PPP1R21: variants seen among roughly 807,000 people sequenced by gnomAD.
PPP1R21 encodes protein phosphatase 1 regulatory subunit 21.
Under a neutral mutation model 112.8 loss-of-function variants are expected in PPP1R21, and 85 were observed. The ratio of observed to expected loss-of-function variants is 0.75; its 90% confidence interval spans 0.63 to 0.90. The LOEUF is 0.90. PPP1R21 is among the 40% of genes least tolerant of loss of function. The probability of loss-of-function intolerance (pLI) is 0.00; values close to 1 mark genes in which losing one functional copy is unlikely to be tolerated. For missense variants in PPP1R21, 1,199 were observed against 901.5 expected, an observed-to-expected ratio of 1.33 and a Z score of -4.23; for synonymous variants, 381 against 322.3, an observed-to-expected ratio of 1.18 and a Z score of -1.95.
chr2:48,463,055 T>C (rs1347341801), intron 7 of PPP1R21, among the ~76,000 whole-genome samples: 1 of 152,198 alleles, frequency 6.6e-6, no homozygotes, highest in African/African-American at 2.4e-5. Context: ...ACTTTGTTGT[T>C]GTTTAATCTT....
intron 13 of PPP1R21, among the ~76,000 whole-genome samples, chr2:48,485,262 G>A (rs1204539722): frequency 2.6e-5 from 4 of 151,178 alleles, no homozygotes; most frequent in South Asian, 2.1e-4. Flanking sequence ...CAATATGCCC[G>A]CATAACAAAC....
Position 48,469,537 on chromosome 2 carries a change from GAGCATATATATATAT to G in PPP1R21, c.898-1547_898-1533del, listed in dbSNP as rs1362474694. Among the ~76,000 whole-genome samples, 9 of 93,768 alleles carry G rather than the reference GAGCATATATATATAT, an allele frequency of 9.6e-5. No individual in the cohort carries two copies. The South Asian group carries it at 1.8e-3, about 19-fold the overall frequency. 61.5% of individuals were successfully genotyped at this position (93,768 alleles called of 152,430 possible). A position where few individuals can be genotyped will look rare whatever the true frequency, so the allele number is the denominator to read the frequency against. On this transcript the variant is annotated intron_variant, in intron 9 of 21. Coordinates refer to ENST00000294952, the MANE Select transcript of PPP1R21 (RefSeq NM_001135629.3). The stretch of plus-strand genomic sequence containing the variant: ...ATATATATATATATATATATATATA[GAGCATATATATATAT>G]AGAGAGAGAGAGAGCATATATATAT...
chr2:48,482,056 A>G (rs1277522865), intron 13 of PPP1R21, among the ~76,000 whole-genome samples: 2 of 152,232 alleles, frequency 1.3e-5, no homozygotes, highest in African/African-American at 4.8e-5. Context: ...CAAAATCTGA[A>G]GAAATCTGAA....
At chr2:48,476,515 AG>A (rs1248684758) in intron 12 of PPP1R21, among the ~76,000 whole-genome samples, 1 of 152,176 alleles carries the variant, frequency 6.6e-6, no homozygotes, top group Non-Finnish European at 1.5e-5. Flanking sequence ...TAACTGTTTG[AG>A]GAGCTGCTGG....
intron 4 of PPP1R21, among the ~76,000 whole-genome samples, chr2:48,459,157 T>G (rs1240930712): frequency 2.0e-5 from 3 of 150,886 alleles, no homozygotes; most frequent in Non-Finnish European, 3.0e-5. Context: ...TTACTTATTT[T>G]TTTTTGGTCA....
Position 48,509,541 on chromosome 2 carries a change from C to G in PPP1R21, c.2086-474C>G, listed in dbSNP as rs10190508. Among the ~76,000 whole-genome samples, 516 of 151,768 alleles carry G rather than the reference C, an allele frequency of 3.4e-3. 5 individuals are homozygous for G. The highest frequency in any genetic ancestry group is 0.012 in the African/African-American group (494 of 41,362). ...GACAACATAGTGAAACCCGTCTCTA[C>G]TAAAAATACAAAACTTAGCTGGGTG... On this transcript the variant is annotated intron_variant, in intron 19 of 21. Coordinates refer to ENST00000294952, the MANE Select transcript of PPP1R21 (RefSeq NM_001135629.3).
rs184448444 is a variant in PPP1R21 at position 48,502,680 on chromosome 2, T to C, written c.1936-2884T>C. Among the ~76,000 whole-genome samples, 1,270 of 142,946 alleles carry C rather than the reference T, an allele frequency of 8.9e-3. 22 individuals are homozygous for C. Among genetic ancestry groups the C allele is most frequent in the African/African-American group, 0.031 (1,193 of 38,016 alleles). 93.8% of individuals were successfully genotyped at this position (142,946 alleles called of 152,430 possible). A position where few individuals can be genotyped will look rare whatever the true frequency, so the allele number is the denominator to read the frequency against. Reference sequence around the variant, plus strand: ...TAACCTCAGATAGAAACTTTTCTTTTTTTTTTTTTTTTTTTTTTGAGACGG... The same window carrying C: ...TAACCTCAGATAGAAACTTTTCTTTCTTTTTTTTTTTTTTTTTTGAGACGG... On this transcript the variant is annotated intron_variant, in intron 17 of 21. Transcript: ENST00000294952.
chr2:48,492,279 C>T (rs1669600602), intron 15 of PPP1R21, among the ~76,000 whole-genome samples: 1 of 152,134 alleles, frequency 6.6e-6, no homozygotes, highest in Non-Finnish European at 1.5e-5. Context: ...AGCATGCAAT[C>T]TATAAACAAA....
At chr2:48,467,184 T>A (rs1009430522) in intron 9 of PPP1R21, among the ~76,000 whole-genome samples, 1 of 152,118 alleles carries the variant, frequency 6.6e-6, no homozygotes, top group African/African-American at 2.4e-5. Flanking sequence ...ATTTTCAGGG[T>A]TTGTGAGGTT....
chr2:48,487,634 G>A (rs753394483), intron 14 of PPP1R21, among the ~76,000 whole-genome samples: 2 of 151,416 alleles, frequency 1.3e-5, no homozygotes, highest in Non-Finnish European at 2.9e-5. Flanking sequence ...GGTGATGTGC[G>A]TCTGTGGTCC....
At chr2:48,459,076 A>C (rs1472470122) in intron 4 of PPP1R21, among the ~76,000 whole-genome samples, 1 of 136,460 alleles carries the variant, frequency 7.3e-6, no homozygotes, top group African/African-American at 2.7e-5. Context: ...TGGGCGACAG[A>C]GTGAGACTCT....
intron 15 of PPP1R21, among the ~76,000 whole-genome samples, chr2:48,493,927 T>C (rs1669683866): frequency 6.6e-6 from 1 of 151,870 alleles, no homozygotes; most frequent in Non-Finnish European, 1.5e-5. Context: ...CCATTGTATG[T>C]TGAAAATGTT....
chr2:48,484,707 G>C (rs1669197126), intron 13 of PPP1R21, among the ~76,000 whole-genome samples: 1 of 151,962 alleles, frequency 6.6e-6, no homozygotes, highest in African/African-American at 2.4e-5. Flanking sequence ...GTAGACACGG[G>C]GTTTTGCCAT....
intron 16 of PPP1R21, among the ~76,000 whole-genome samples, 162 bp from the exon 17 acceptor site, chr2:48,498,331 G>A (rs1294040116): frequency 6.7e-6 from 1 of 149,362 alleles, no homozygotes; most frequent in Admixed American, 6.7e-5. Flanking sequence ...TGTGCTTTTT[G>A]TATCATGTCT....
At chr2:48,498,809 A>G in intron 17 of PPP1R21, 74 bp downstream of exon 17, 1 of 1,447,282 alleles carries the variant, frequency 6.9e-7, no homozygotes, top group Non-Finnish European at 9.6e-7. Context: ...TTCAACATTA[A>G]CCATTGTCTT....
intron 12 of PPP1R21, among the ~76,000 whole-genome samples, chr2:48,475,743 A>G (rs1341996031): frequency 6.6e-6 from 1 of 152,074 alleles, no homozygotes; most frequent in East Asian, 1.9e-4. Flanking sequence ...GCTACTCGGG[A>G]GGCTGAGGCA....
At chr2:48,492,249 A>T (rs1443576076) in intron 15 of PPP1R21, among the ~76,000 whole-genome samples, 1 of 152,220 alleles carries the variant, frequency 6.6e-6, no homozygotes, top group East Asian at 1.9e-4. Context: ...GTAACCTTTC[A>T]GGCTCTTTGA....
intron 16 of PPP1R21, 29 bp downstream of exon 16, chr2:48,495,800 G>A (rs1483188493): frequency 7.9e-7 from 1 of 1,268,212 alleles, no homozygotes; most frequent in Non-Finnish European, 1.2e-6. Context: ...TATGGAAATT[G>A]TTAAAGAACA....
intron 2 of PPP1R21, 59 bp downstream of exon 2, chr2:48,451,135 C>A (rs986847729): frequency 1.1e-5 from 16 of 1,405,380 alleles, no homozygotes; most frequent in Non-Finnish European, 1.6e-5. Context: ...TTGCTCAAAG[C>A]AGGTTCATTG....
Sources: gnomAD v4.1 joint callset for allele counts (sites outside exome capture counted in the v4.1 genomes callset) on GRCh38, gnomAD v4.1.1 for gene constraint, MANE v1.5 for transcripts, NCBI Gene and HGNC (gene_info 2026-07-23, HGNC 2026-07-21) for gene names.